LRRIQ3: variants seen among roughly 807,000 people sequenced by gnomAD.
LRRIQ3 encodes the protein leucine-rich repeat and IQ domain-containing protein 3.
Under a neutral mutation model 59.3 loss-of-function variants are expected in LRRIQ3, and 75 were observed. The observed-to-expected ratio is 1.26, with a 90% CI of 1.05 to 1.53. The LOEUF (loss-of-function observed/expected upper bound fraction) is 1.53, where lower values mean the gene tolerates loss of function less well. Among genes scored for constraint, LRRIQ3 ranks in the 40% most tolerant of loss-of-function variants. The pLI is 0.00. For synonymous variants in LRRIQ3, 250 were observed against 231.3 expected (o/e 1.08, Z -0.73); for missense variants, 831 against 710.0 (o/e 1.17, Z -1.94).
chr1:74,046,827 T>C (rs1015390190), intron 6 of LRRIQ3, among the ~76,000 whole-genome samples: 1 of 152,098 alleles, frequency 6.6e-6, no homozygotes, highest in Non-Finnish European at 1.5e-5. Context: ...GGCATTTATG[T>C]GGCCAAAAAA....
chr1:74,027,877 G>A (rs745791544), intron 7 of LRRIQ3, among the ~76,000 whole-genome samples: 19 of 152,064 alleles, frequency 1.2e-4, no homozygotes, highest in Non-Finnish European at 1.5e-4. Flanking sequence ...ATGGTTCATC[G>A]TGAAAACATT....
At chr1:74,170,240 G>A (rs1020465223) in intron 3 of LRRIQ3, among the ~76,000 whole-genome samples, 2 of 152,098 alleles carry the variant, frequency 1.3e-5, no homozygotes, top group African/African-American at 4.8e-5. Flanking sequence ...GGATATTGGA[G>A]AAACCATTGC....
At chr1:74,184,558 T>C (rs1474529274) in intron 1 of LRRIQ3, among the ~76,000 whole-genome samples, 2 of 152,148 alleles carry the variant, frequency 1.3e-5, no homozygotes, top group South Asian at 2.1e-4. Context: ...AAAATCCAGA[T>C]ACACTCTTGT....
intron 6 of LRRIQ3, among the ~76,000 whole-genome samples, chr1:74,049,777 A>G (rs1295573053): frequency 6.6e-6 from 1 of 152,138 alleles, no homozygotes; most frequent in Admixed American, 6.6e-5. Flanking sequence ...AAAATCATTT[A>G]AAACTTTCAC....
At chr1:74,055,962 G>A (rs1256751302) in intron 6 of LRRIQ3, among the ~76,000 whole-genome samples, 1 of 151,878 alleles carries the variant, frequency 6.6e-6, no homozygotes, top group East Asian at 1.9e-4. Context: ...GGCTAACACG[G>A]AGAAAGCCCG....
intron 6 of LRRIQ3, chr1:74,050,691 G>A (rs1654344405): frequency 6.3e-6 from 2 of 315,652 alleles, no homozygotes; most frequent in Non-Finnish European, 9.2e-6. Flanking sequence ...CTTTGCACAA[G>A]CTTATAGCCT....
intron 3 of LRRIQ3, among the ~76,000 whole-genome samples, chr1:74,172,380 A>C (rs1021368337): frequency 1.3e-5 from 2 of 152,036 alleles, no homozygotes; most frequent in African/African-American, 2.4e-5. Flanking sequence ...ATTTCCTTGC[A>C]TTTGTGAATT....
intron 6 of LRRIQ3, among the ~76,000 whole-genome samples, chr1:74,065,410 T>C (rs953192439): frequency 6.6e-6 from 1 of 152,128 alleles, no homozygotes; most frequent in Non-Finnish European, 1.5e-5. Context: ...GTTATAATCA[T>C]TTTCAAAGGT....
intron 6 of LRRIQ3, among the ~76,000 whole-genome samples, chr1:74,042,939 A>G (rs1337294481): frequency 6.6e-6 from 1 of 152,066 alleles, no homozygotes; most frequent in Non-Finnish European, 1.5e-5. Flanking sequence ...ATAAGATAGA[A>G]GCTGCCTGCC....
chr1:74,187,199 T>G (rs545017469), intron 1 of LRRIQ3, among the ~76,000 whole-genome samples: 1 of 152,042 alleles, frequency 6.6e-6, no homozygotes, highest in Non-Finnish European at 1.5e-5. Context: ...AGGAAAATAA[T>G]TCATTATATA....
At chr1:74,161,945 A>G (rs534052831) in intron 3 of LRRIQ3, among the ~76,000 whole-genome samples, 25 of 151,950 alleles carry the variant, frequency 1.6e-4, no homozygotes, top group Admixed American at 1.3e-3. Context: ...TAATAATAAT[A>G]ATGCATTCCC....
At chr1:74,153,227 C>A (rs1245781284) in intron 4 of LRRIQ3, among the ~76,000 whole-genome samples, 1 of 152,082 alleles carries the variant, frequency 6.6e-6, no homozygotes, top group Non-Finnish European at 1.5e-5. Context: ...TAAAAGTATA[C>A]TTTCCTTATA....
intron 6 of LRRIQ3, among the ~76,000 whole-genome samples, chr1:74,052,411 A>G (rs1435420485): frequency 6.6e-6 from 1 of 152,132 alleles, no homozygotes; most frequent in Non-Finnish European, 1.5e-5. Flanking sequence ...CTTCATCTAT[A>G]AAATGGGAGA....
intron 7 of LRRIQ3, among the ~76,000 whole-genome samples, chr1:74,027,707 G>C (rs1197693786): frequency 6.6e-6 from 1 of 152,064 alleles, no homozygotes; most frequent in Admixed American, 6.6e-5. Context: ...CAGGTCTTAG[G>C]AGATTTCATT....
Position 74,151,266 on chromosome 1 carries a change from T to A in LRRIQ3, c.707+4467A>T, listed in dbSNP as rs185482987. Among the ~76,000 whole-genome samples, 7 of 152,170 alleles carry A rather than the reference T, an allele frequency of 4.6e-5. No homozygotes were observed. In the East Asian group the frequency reaches 1.4e-3, roughly 29 times the overall value. ...CTCTTGACCTCGTGATCTGCCCACC[T>A]CAGCCTGAATGATGCTTTTAACATG... is the stretch of plus-strand genomic sequence containing the variant. On this transcript the variant is annotated intron_variant, in intron 4 of 7. Transcript: ENST00000354431.
chr1:74,070,351 T>G (rs1654992162), intron 6 of LRRIQ3, among the ~76,000 whole-genome samples: 2 of 152,038 alleles, frequency 1.3e-5, no homozygotes, highest in Admixed American at 1.3e-4. Context: ...TGGAGGCCAT[T>G]ATTCTAAGTG....
chr1:74,166,359 A>T (rs1323387062), intron 3 of LRRIQ3, among the ~76,000 whole-genome samples: 1 of 151,346 alleles, frequency 6.6e-6, no homozygotes, highest in Non-Finnish European at 1.5e-5. Context: ...AATATTTAGT[A>T]TTATTATTCT....
chr1:74,027,725 C>A (rs1259481934), intron 7 of LRRIQ3, among the ~76,000 whole-genome samples: 1 of 152,074 alleles, frequency 6.6e-6, no homozygotes, highest in East Asian at 1.9e-4. Context: ...ATTCATTCAT[C>A]CTTATTTATT....
chr1:74,044,745 T>C (rs541384899), intron 6 of LRRIQ3, among the ~76,000 whole-genome samples: 1 of 151,176 alleles, frequency 6.6e-6, no homozygotes, highest in African/African-American at 2.4e-5. Flanking sequence ...GAGAGGAGAA[T>C]CAAATAGATG....
Sources: allele counts gnomAD v4.1 joint callset (sites outside exome capture counted in the v4.1 genomes callset), GRCh38; gene constraint gnomAD v4.1.1; transcripts MANE v1.5; gene names NCBI Gene and HGNC (gene_info 2026-07-23, HGNC 2026-07-21).